Variants in ROR2 observed in about 807,000 individuals in gnomAD.
The protein encoded by ROR2 is tyrosine-protein kinase transmembrane receptor ROR2.
ROR2 carries 33 observed loss-of-function variants against 74.9 expected under a neutral mutation model. The ratio of observed to expected loss-of-function variants is 0.44; its 90% CI spans 0.33 to 0.59. The LOEUF (loss-of-function observed/expected upper bound fraction) is 0.59. Ranked by LOEUF, ROR2 falls within the 20% of genes least tolerant of loss-of-function variation. The pLI, the probability that ROR2 is intolerant of heterozygous loss-of-function variation, is 0.02. For missense variants in ROR2, 1,216 were observed against 1,313.8 expected, an observed-to-expected ratio of 0.93 and a Z score of 1.15; for synonymous variants, 586 against 558.7, an observed-to-expected ratio of 1.05 and a Z score of -0.69.
chr9:91,760,888 AT>A (rs1825894614), intron 2 of ROR2, among the ~76,000 whole-genome samples: 2 of 152,130 alleles, frequency 1.3e-5, no homozygotes, highest in African/African-American at 4.8e-5. Context: ...CTTCACATAT[AT>A]TTTTAGGTAG....
chr9:91,787,135 T>C (rs1341141658), intron 1 of ROR2, among the ~76,000 whole-genome samples: 2 of 152,286 alleles, frequency 1.3e-5, no homozygotes, highest in East Asian at 1.9e-4. Flanking sequence ...AAGGCATGTA[T>C]GGAAAGGAAA....
chr9:91,812,462 G>A (rs1477126825), intron 1 of ROR2, among the ~76,000 whole-genome samples: 3 of 152,090 alleles, frequency 2.0e-5, no homozygotes, highest in Non-Finnish European at 4.4e-5. Flanking sequence ...GATTGATGGT[G>A]ACTGTGAAAA....
intron 1 of ROR2, among the ~76,000 whole-genome samples, chr9:91,860,634 T>C (rs1265070067): frequency 6.6e-6 from 1 of 152,194 alleles, no homozygotes; most frequent in Non-Finnish European, 1.5e-5. Flanking sequence ...CAGGGAGCCA[T>C]GTGTGAGTCC....
At chr9:91,918,368 C>A (rs938029165) in intron 1 of ROR2, among the ~76,000 whole-genome samples, 2 of 151,888 alleles carry the variant, frequency 1.3e-5, no homozygotes, top group African/African-American at 4.8e-5. Flanking sequence ...CCTAGGCTCC[C>A]TATAAAGTCC....
rs887214028 is a variant in ROR2, at chr9:91,733,286, A to C, written c.773T>G (p.Val258Gly). The C allele has an allele frequency of 6.2e-7, 1 of 1,612,874 alleles. No homozygotes were observed. The highest frequency in any genetic ancestry group is 8.5e-7 in the Non-Finnish European group (1 of 1,179,776). ...PRELCRDECE[V>G]LESDLCRQEY... ...CTGGCGGCACAGGTCGCTCTCCAGC[A>C]CCTCGCACTCGTCGCGGCACAGCTC... Residue 258 changes from valine (V) to glycine (G), a missense_variant, in exon 6 of 9, where the codon GTG becomes GGG. Physicochemically the swap from Val to Gly is moderately radical, Grantham distance 109 (BLOSUM62 -3). Coordinates refer to ENST00000375708, the MANE Select transcript of ROR2 (RefSeq NM_004560.4). The surrounding 1 kb of genome is among the most constrained non-coding windows in gnomAD (Gnocchi z 5.7).
At chr9:91,921,681 T>C (rs542132845) in intron 1 of ROR2, among the ~76,000 whole-genome samples, 13 of 152,034 alleles carry the variant, frequency 8.6e-5, no homozygotes, top group Non-Finnish European at 1.8e-4. Flanking sequence ...CTGGCCAACA[T>C]GGTGAAAGCC....
intron 2 of ROR2, among the ~76,000 whole-genome samples, chr9:91,761,105 TC>T (rs1226102927): frequency 6.6e-6 from 1 of 152,098 alleles, no homozygotes; most frequent in Non-Finnish European, 1.5e-5. Context: ...GGGGTCAAAG[TC>T]CTCATATCCA....
chr9:91,940,556 CTG>C (rs148873501), intron 1 of ROR2, among the ~76,000 whole-genome samples: 9,572 of 151,946 alleles, frequency 0.063, 571 homozygotes, highest in East Asian at 0.24. Flanking sequence ...TCCTCAGTCC[CTG>C]TGACACCATT....
intron 1 of ROR2, among the ~76,000 whole-genome samples, chr9:91,805,658 C>T (rs536012667): frequency 6.6e-6 from 1 of 152,294 alleles, no homozygotes; most frequent in Non-Finnish European, 1.5e-5. Context: ...AGCAGAAGTA[C>T]ATGTACACAC....
In ROR2 at chr9:91,896,075, C is replaced by G. The variant is rs114108663; in HGVS notation, c.97+53792G>C. Among the ~76,000 whole-genome samples the G allele has an allele frequency of 5.8e-3, 884 of 152,208 alleles. 10 individuals carry two copies. Among genetic ancestry groups the G allele is most frequent in the African/African-American group, 0.02 (843 of 41,518 alleles). On this transcript the variant is annotated intron_variant, in intron 1 of 8. Transcript: ENST00000375708. Reference sequence around the variant, plus strand: ...ACAGCCTCCATCTTTGACAAATGCCCAAGGTTAATGTTGCAAAAAAGGATG... The same window carrying G: ...ACAGCCTCCATCTTTGACAAATGCCGAAGGTTAATGTTGCAAAAAAGGATG...
intron 1 of ROR2, among the ~76,000 whole-genome samples, chr9:91,851,448 T>TTTGTTTGTCAATACATTTGTCAAAATGTA (rs1829089577): frequency 6.6e-6 from 1 of 152,174 alleles, no homozygotes; most frequent in South Asian, 2.1e-4. Flanking sequence ...TTTTGATCTA[T>TTTGTTTGTCAATACATTTGTCAAAATGTA]TTGTCTATTT....
chr9:91,804,591 C>A (rs189505394), intron 1 of ROR2, among the ~76,000 whole-genome samples: 2 of 152,336 alleles, frequency 1.3e-5, no homozygotes, highest in East Asian at 3.9e-4. Flanking sequence ...GAGCGTCATG[C>A]GGCCTGTACT....
At chr9:91,892,567 T>C (rs1181856790) in intron 1 of ROR2, among the ~76,000 whole-genome samples, 1 of 149,908 alleles carries the variant, frequency 6.7e-6, no homozygotes, top group Non-Finnish European at 1.5e-5. Flanking sequence ...AATGGCAGAT[T>C]CTTTTTCTTT....
At chr9:91,826,501 G>T (rs1187277199) in intron 1 of ROR2, among the ~76,000 whole-genome samples, 1 of 152,178 alleles carries the variant, frequency 6.6e-6, no homozygotes, top group African/African-American at 2.4e-5. Flanking sequence ...AATAAATGTG[G>T]CTGGGCGTGG....
intron 1 of ROR2, among the ~76,000 whole-genome samples, chr9:91,920,168 A>G (rs1055471488): frequency 6.6e-5 from 10 of 152,260 alleles, no homozygotes; most frequent in Admixed American, 2.6e-4. Context: ...GAAAAAATTT[A>G]AAAAGCATTT....
At chr9:91,912,294 C>A (rs1235979585) in intron 1 of ROR2, among the ~76,000 whole-genome samples, 2 of 152,130 alleles carry the variant, frequency 1.3e-5, no homozygotes, top group Non-Finnish European at 2.9e-5. Context: ...GTTTTTGCAA[C>A]CTTTCTGTAC....
intron 1 of ROR2, among the ~76,000 whole-genome samples, chr9:91,898,446 C>A (rs1321520758): frequency 6.6e-6 from 1 of 152,116 alleles, no homozygotes; most frequent in Non-Finnish European, 1.5e-5. Context: ...ATGATCTGCC[C>A]AAAAAACACA....
chr9:91,880,758 T>C (rs1032848002), intron 1 of ROR2, among the ~76,000 whole-genome samples: 1 of 152,216 alleles, frequency 6.6e-6, no homozygotes, highest in Non-Finnish European at 1.5e-5. Context: ...CAAAATAACC[T>C]GCCTGCACTC....
chr9:91,753,786 G>A (rs1000538637), intron 4 of ROR2, among the ~76,000 whole-genome samples: 2 of 152,154 alleles, frequency 1.3e-5, no homozygotes, highest in African/African-American at 4.8e-5. Context: ...AACTAAACAT[G>A]TCAAGTATAG....
Sources: gnomAD v4.1 joint callset for allele counts (sites outside exome capture counted in the v4.1 genomes callset) on GRCh38, gnomAD v4.1.1 for gene constraint, Gnocchi (gnomAD v3.1) non-coding constraint, MANE v1.5 for transcripts, NCBI Gene and HGNC (gene_info 2026-07-23, HGNC 2026-07-21) for gene names.